Variants in DSTYK observed in about 807,000 individuals in gnomAD.
The protein encoded by DSTYK is RIP-homologous kinase.
A neutral mutation model predicts 98.7 loss-of-function variants in DSTYK; 34 were observed. That is an observed-to-expected ratio of 0.34 (90% CI 0.26 to 0.46). DSTYK has a LOEUF of 0.46. Ranked by LOEUF, DSTYK falls within the 20% of genes least tolerant of loss-of-function variation. DSTYK has a pLI of 1.00. For synonymous variants in DSTYK, 462 were observed against 457.3 expected, an observed-to-expected ratio of 1.01 and a Z score of -0.13; for missense variants, 962 against 1,181.7, an observed-to-expected ratio of 0.81 and a Z score of 2.73.
intron 2 of DSTYK, among the ~76,000 whole-genome samples, chr1:205,174,126 C>T (rs1658154300): frequency 6.6e-6 from 1 of 152,070 alleles, no homozygotes; most frequent in African/African-American, 2.4e-5. Flanking sequence ...TGCCTGTAAT[C>T]CCAGCACTCT....
intron 1 of DSTYK, among the ~76,000 whole-genome samples, chr1:205,198,154 T>C (rs1369673568): frequency 1.3e-5 from 2 of 151,888 alleles, no homozygotes; most frequent in Non-Finnish European, 2.9e-5. Flanking sequence ...GATCACGCCA[T>C]TGTACTCCAG....
chr1:205,197,173 G>A (rs1246241367), intron 1 of DSTYK, among the ~76,000 whole-genome samples: 1 of 151,898 alleles, frequency 6.6e-6, no homozygotes. Flanking sequence ...TGGGACAGTT[G>A]GCAAAACCTG....
rs369158395 is a variant in DSTYK at position 205,211,446 on chromosome 1, G to A, written c.90C>T (p.Gly30=). 30 of 1,601,368 alleles carry A rather than the reference G, an allele frequency of 1.9e-5. 1 individual carries two copies. In the South Asian group the frequency reaches 2.4e-4, roughly 13 times the overall value. The part of the protein sequence containing the change: ...GGGMIRELCR[G]FGRYRRYLGR... The stretch of plus-strand genomic sequence containing the variant: ...CCAGGTAGCGGCGGTAGCGGCCGAA[G>A]CCCCGGCACAGCTCGCGGATCATTC... The change falls in exon 1 of 13, where the codon GGC becomes GGT. Residue 30 remains glycine (G), a synonymous_variant. Transcript: ENST00000367162.
At chr1:205,207,753 C>A (rs1659247577) in intron 1 of DSTYK, among the ~76,000 whole-genome samples, 1 of 37,252 alleles carries the variant, frequency 2.7e-5, no homozygotes. Flanking sequence ...GAGACTCTGT[C>A]TCAAAAAAAA....
rs1657658274 is a variant in DSTYK at position 205,159,595 on chromosome 1, C to T, written c.2190G>A (p.Val730=). 3.1e-6 allele frequency: 5 copies of T among 1,613,362 alleles called. No homozygotes were observed. Among genetic ancestry groups the T allele is most frequent in the Non-Finnish European group, 4.2e-6 (5 of 1,179,762 alleles). The change falls in exon 9 of 13, where the codon GTG becomes GTA. Residue 730 remains valine, a synonymous_variant. Transcript: ENST00000367162. ...GGTGTAGCCGCTCCATAATGAGGAG[C>T]ACAGCAATGCTGGAGCCACCACCAT... ...YNYGGGSSIA[V]LLIMERLHRD...
intron 2 of DSTYK, among the ~76,000 whole-genome samples, chr1:205,182,475 C>T (rs1175997922): frequency 7.3e-6 from 1 of 137,500 alleles, no homozygotes; most frequent in Admixed American, 8.3e-5. Flanking sequence ...TTTACTACTC[C>T]CATTGGTTAG....
intron 9 of DSTYK, among the ~76,000 whole-genome samples, chr1:205,158,113 C>T (rs1483025940): frequency 2.0e-5 from 3 of 152,136 alleles, no homozygotes; most frequent in Non-Finnish European, 4.4e-5. Flanking sequence ...TTCAGGGTCT[C>T]CTGAATACTG....
In DSTYK at chr1:205,151,471, T is replaced by C. The variant is rs554680235; in HGVS notation, c.2353-677A>G. On this transcript the variant is annotated intron_variant, in intron 10 of 12. Coordinates refer to ENST00000367162, the MANE Select transcript of DSTYK (RefSeq NM_015375.3). ...CTGTACAAAAATAGTGGCTTTTTGT[T>C]GTTGTTGTTGTTGTTTTAAAGAGAC... Among the ~76,000 whole-genome samples, 3 of 152,106 alleles carry C rather than the reference T, an allele frequency of 2.0e-5. No individual in the cohort carries two copies. In the South Asian group the frequency reaches 6.2e-4, roughly 32 times the overall value.
chr1:205,159,624 T>C lies in DSTYK; in HGVS notation c.2161A>G (p.Asn721Asp). 4 of 1,613,778 alleles carry C rather than the reference T, an allele frequency of 2.5e-6. No homozygotes were observed. The highest frequency in any genetic ancestry group is 3.4e-6 in the Non-Finnish European group (4 of 1,179,948). Residue 721 changes from asparagine to aspartate, a missense_variant, in exon 9 of 13, where the codon AAC (asparagine) becomes GAC (aspartate). Transcript: ENST00000367162. Reference protein sequence around the residue: ...VDLHGSVIDYNYGGGSSIAVL... With the variant: ...VDLHGSVIDYDYGGGSSIAVL... ...GCAATGCTGGAGCCACCACCATAGTTGTAGTCAATGACTGAACCATGGAGA... is the reference window on the plus strand; with the variant it reads ...GCAATGCTGGAGCCACCACCATAGTCGTAGTCAATGACTGAACCATGGAGA...
chr1:205,183,172 G>A, intron 2 of DSTYK, among the ~76,000 whole-genome samples: 1 of 151,790 alleles, frequency 6.6e-6, no homozygotes. Flanking sequence ...GAAAGAAAAA[G>A]AAAAGGAGGT....
At chr1:205,160,974 A>G (rs1365809060) in intron 7 of DSTYK, among the ~76,000 whole-genome samples, 2 of 151,972 alleles carry the variant, frequency 1.3e-5, no homozygotes, top group African/African-American at 4.8e-5. Flanking sequence ...GGGTCTTGCC[A>G]TATCGCCTAG....
rs1457440250 is a variant in DSTYK, at chr1:205,211,283, C to T, written c.253G>A (p.Gly85Arg). 2 of 1,606,558 alleles carry T rather than the reference C, an allele frequency of 1.2e-6. No homozygotes were observed. The highest frequency in any genetic ancestry group is 8.5e-7 in the Non-Finnish European group (1 of 1,177,244). ...RGPAGDVAETGLQAGQLSCIS... is the reference protein window; with the variant it reads ...RGPAGDVAETRLQAGQLSCIS... Reference sequence around the variant, plus strand: ...CTGCCCTCCTTACCCGCCTGCAGCCCGGTTTCGGCGACATCGCCTGCAGGG... The same window carrying T: ...CTGCCCTCCTTACCCGCCTGCAGCCTGGTTTCGGCGACATCGCCTGCAGGG... The change falls in exon 1 of 13, where the codon GGG (glycine) becomes AGG (arginine). Residue 85 changes from glycine to arginine, a missense_variant. Physicochemically the swap from Gly to Arg is moderately radical, Grantham distance 125. This residue lies in a region of DSTYK where 660 missense variants were observed against 855.0 expected (regional missense o/e 0.77). Coordinates refer to ENST00000367162, the MANE Select transcript of DSTYK (RefSeq NM_015375.3).
At chr1:205,203,902 G>A (rs577380665) in intron 1 of DSTYK, among the ~76,000 whole-genome samples, 14 of 152,076 alleles carry the variant, frequency 9.2e-5, no homozygotes, top group Non-Finnish European at 1.5e-4. Context: ...GCAACAGAGC[G>A]AGACTCTGTC....
At chr1:205,187,343 CTTT>C in intron 2 of DSTYK, 72 bp downstream of exon 2, 1 of 1,483,942 alleles carries the variant, frequency 6.7e-7, no homozygotes, top group Non-Finnish European at 9.0e-7. Flanking sequence ...CATCGAATTA[CTTT>C]TTTAGAAAGT....
At chr1:205,181,283 T>C (rs1220344796) in intron 2 of DSTYK, among the ~76,000 whole-genome samples, 2 of 113,996 alleles carry the variant, frequency 1.8e-5, no homozygotes, top group African/African-American at 4.9e-5. Context: ...CTATCAACTT[T>C]TATCTTTTAA....
Position 205,150,862 on chromosome 1 carries a change from G to T in DSTYK, c.2353-68C>A. 8.1e-7 allele frequency: 1 copy of T among 1,237,596 alleles called. No individual in the cohort carries two copies. Among genetic ancestry groups the T allele is most frequent in the Non-Finnish European group, 1.2e-6 (1 of 842,684 alleles). The allele number at this position is 1,237,596 out of a possible 1,614,324, so 76.7% of individuals were successfully genotyped here. A position where few individuals can be genotyped will look rare whatever the true frequency, so the allele number is the denominator to read the frequency against. On this transcript the variant is annotated intron_variant, in intron 10 of 12. Coordinates refer to ENST00000367162, the MANE Select transcript of DSTYK (RefSeq NM_015375.3). The surrounding 1 kb of genome is among the most constrained non-coding windows in gnomAD (Gnocchi z 4.1). ...GCACACAGCACTGCTGCGTACCTAAGCTCAAAGGTAGGTACCTCAAAGTAG... is the reference window on the plus strand; with the variant it reads ...GCACACAGCACTGCTGCGTACCTAATCTCAAAGGTAGGTACCTCAAAGTAG...
At chr1:205,167,695 A>G (rs938445343) in intron 3 of DSTYK, among the ~76,000 whole-genome samples, 2 of 152,224 alleles carry the variant, frequency 1.3e-5, no homozygotes, top group Non-Finnish European at 2.9e-5. Flanking sequence ...AGTTAAACTT[A>G]GTCTGTAGAA....
At chr1:205,198,492 T>C (rs1558625081) in intron 1 of DSTYK, among the ~76,000 whole-genome samples, 1 of 152,192 alleles carries the variant, frequency 6.6e-6, no homozygotes, top group South Asian at 2.1e-4. Context: ...TTTTCTTTAC[T>C]AGCTATATTC....
At position 205,143,880 on chromosome 1, in the gene DSTYK, G is replaced by A. The variant is rs1244752628; in HGVS notation, c.*3678C>T. 6.6e-6 allele frequency: 1 copy of A among 152,558 alleles called. No individual in the cohort carries two copies. The highest frequency in any genetic ancestry group is 1.5e-5 in the Non-Finnish European group (1 of 68,044). 9.5% of individuals were successfully genotyped at this position (152,558 alleles called of 1,614,324 possible). A position where few individuals can be genotyped will look rare whatever the true frequency, so the allele number is the denominator to read the frequency against. On this transcript the variant is annotated 3_prime_UTR_variant, in exon 13 of 13. Coordinates refer to ENST00000367162, the MANE Select transcript of DSTYK (RefSeq NM_015375.3). Reference sequence around the variant, plus strand: ...TCCTCCACTGCTTCCTTGAATTTTAGTGTTAAAAATTAGGAGAATCTGCTG... The same window carrying A: ...TCCTCCACTGCTTCCTTGAATTTTAATGTTAAAAATTAGGAGAATCTGCTG...
Sources: allele counts gnomAD v4.1 joint callset (sites outside exome capture counted in the v4.1 genomes callset), GRCh38; gene constraint gnomAD v4.1.1; regional missense constraint gnomAD v4.1.1; non-coding constraint Gnocchi (gnomAD v3.1); transcripts MANE v1.5; gene names NCBI Gene and HGNC (gene_info 2026-07-23, HGNC 2026-07-21).